PTPRN2: variants seen among roughly 807,000 people sequenced by gnomAD.
PTPRN2 encodes protein tyrosine phosphatase receptor type N2.
Under a neutral mutation model 118.8 loss-of-function variants are expected in PTPRN2, and 74 were observed. The observed-to-expected ratio is 0.62, with a 90% confidence interval of 0.52 to 0.76. The LOEUF is 0.76. Among genes scored for constraint, PTPRN2 ranks in the 30% least tolerant of loss-of-function variants. PTPRN2 has a pLI of 0.00. For missense variants in PTPRN2, 1,481 were observed against 1,394.4 expected, an observed-to-expected ratio of 1.06 and a Z score of -0.99; for synonymous variants, 641 against 608.0, an observed-to-expected ratio of 1.05 and a Z score of -0.80.
At chr7:158,395,480 C>G (rs60450085) in intron 2 of PTPRN2, among the ~76,000 whole-genome samples, 4 of 262 alleles carry the variant, frequency 0.015, no homozygotes, top group Admixed American at 0.056. Flanking sequence ...GGCGAGGGGC[C>G]AGGGGCGAGG....
chr7:158,301,813 G>C (rs1800911742), intron 3 of PTPRN2, among the ~76,000 whole-genome samples: 1 of 152,186 alleles, frequency 6.6e-6, no homozygotes, highest in Non-Finnish European at 1.5e-5. Flanking sequence ...AGCTGGGCAT[G>C]GTGGTTTGCA....
chr7:158,545,380 A>C (rs1471871864), intron 1 of PTPRN2, among the ~76,000 whole-genome samples: 1 of 152,220 alleles, frequency 6.6e-6, no homozygotes, highest in Non-Finnish European at 1.5e-5. Flanking sequence ...GTTCCTCAGC[A>C]GCTGCAAATA....
intron 11 of PTPRN2, among the ~76,000 whole-genome samples, chr7:157,994,561 G>GCCGCA (rs1563309737): frequency 9.4e-6 from 1 of 106,302 alleles, no homozygotes; most frequent in African/African-American, 4.9e-5. Flanking sequence ...TCAGCACCGC[G>GCCGCA]TCCCCAGCTT....
intron 11 of PTPRN2, among the ~76,000 whole-genome samples, chr7:158,037,841 C>A (rs1808192589): frequency 6.6e-6 from 1 of 152,218 alleles, no homozygotes; most frequent in Admixed American, 6.5e-5. Context: ...TTGCAATTCA[C>A]CTTGTCAGAA....
At chr7:158,259,707 G>T (rs4909158) in intron 3 of PTPRN2, among the ~76,000 whole-genome samples, 3,147 of 147,710 alleles carry the variant, frequency 0.021, 10 homozygotes, top group East Asian at 0.061. Flanking sequence ...CTTGTGTCCC[G>T]GGTGTACAGG....
chr7:158,145,016 A>G (rs1176812198), intron 6 of PTPRN2, among the ~76,000 whole-genome samples: 2 of 149,226 alleles, frequency 1.3e-5, no homozygotes, highest in African/African-American at 5.0e-5. Context: ...CCCTCACATC[A>G]TCGCGAGAAG....
At chr7:158,472,869 C>T (rs536132397) in intron 2 of PTPRN2, among the ~76,000 whole-genome samples, 167 of 152,242 alleles carry the variant, frequency 1.1e-3, no homozygotes, top group African/African-American at 3.9e-3. Context: ...GCAGCAGTGG[C>T]GGCGGGGCGG....
At chr7:158,081,572 G>A (rs767209916) in intron 10 of PTPRN2, among the ~76,000 whole-genome samples, 195 bp from the exon 11 acceptor site, 8 of 152,072 alleles carry the variant, frequency 5.3e-5, no homozygotes, top group Non-Finnish European at 1.2e-4. Context: ...CAGGAATTCC[G>A]TTTTTGGGCT....
intron 11 of PTPRN2, among the ~76,000 whole-genome samples, chr7:158,079,980 A>G (rs182041577): frequency 7.7e-4 from 117 of 152,322 alleles, no homozygotes; most frequent in African/African-American, 2.7e-3. Context: ...AGACTGCAGA[A>G]GTTTAGTACA....
chr7:158,091,212 C>T (rs1026958058), intron 10 of PTPRN2, among the ~76,000 whole-genome samples: 1 of 152,218 alleles, frequency 6.6e-6, no homozygotes, highest in African/African-American at 2.4e-5. Flanking sequence ...TGAATAGACA[C>T]TGCCTAAGCA....
intron 12 of PTPRN2, among the ~76,000 whole-genome samples, chr7:157,894,121 C>T (rs189767539): frequency 1.5e-4 from 23 of 152,306 alleles, no homozygotes; most frequent in Admixed American, 1.4e-3. Flanking sequence ...ACGAACAGCT[C>T]ACTAAACTGA....
At chr7:157,580,079 C>T (rs1252482766) in intron 17 of PTPRN2, among the ~76,000 whole-genome samples, 3 of 152,172 alleles carry the variant, frequency 2.0e-5, no homozygotes, top group African/African-American at 4.8e-5. Context: ...AATTTCTAAT[C>T]GGGGAGAAGT....
At chr7:157,875,446 C>T (rs866257334) in intron 12 of PTPRN2, among the ~76,000 whole-genome samples, 10 of 152,314 alleles carry the variant, frequency 6.6e-5, no homozygotes, top group Admixed American at 2.0e-4. Flanking sequence ...GAAGTGGCAG[C>T]CACGGAAGCT....
chr7:158,583,641 A>G (rs1377266469), intron 1 of PTPRN2, among the ~76,000 whole-genome samples: 1 of 152,182 alleles, frequency 6.6e-6, no homozygotes, highest in Non-Finnish European at 1.5e-5. Flanking sequence ...CTGACACCCT[A>G]CATCCTGCTT....
At chr7:158,314,853 C>T (rs1368536649) in intron 3 of PTPRN2, among the ~76,000 whole-genome samples, 5 of 148,522 alleles carry the variant, frequency 3.4e-5, no homozygotes, top group East Asian at 3.9e-4. Flanking sequence ...GAGGTGAACC[C>T]GGAACCCCTG....
intron 12 of PTPRN2, among the ~76,000 whole-genome samples, chr7:157,693,138 A>G (rs1797597303): frequency 6.6e-6 from 1 of 151,406 alleles, no homozygotes; most frequent in South Asian, 2.1e-4. Context: ...AGAGGGGAAG[A>G]CAGCGGAGAG....
intron 12 of PTPRN2, among the ~76,000 whole-genome samples, chr7:157,767,206 G>A (rs1198828375): frequency 1.3e-5 from 2 of 152,136 alleles, no homozygotes; most frequent in Non-Finnish European, 2.9e-5. Flanking sequence ...AGGCTGTGCT[G>A]GGCACACAGC....
intron 2 of PTPRN2, among the ~76,000 whole-genome samples, chr7:158,479,837 G>A (rs559698826): frequency 6.8e-4 from 104 of 152,362 alleles, no homozygotes; most frequent in Admixed American, 4.1e-3. Flanking sequence ...ACGGGGTGGC[G>A]GGCGCAAGCC....
chr7:158,373,281 A>G (rs73512184), intron 2 of PTPRN2, among the ~76,000 whole-genome samples: 9,578 of 152,292 alleles, frequency 0.063, 1,020 homozygotes, highest in African/African-American at 0.22. Context: ...TATTCTGCAC[A>G]AAGATGACTT....
Sources: allele counts gnomAD v4.1 joint callset (sites outside exome capture counted in the v4.1 genomes callset), GRCh38; gene constraint gnomAD v4.1.1; transcripts MANE v1.5; gene names NCBI Gene and HGNC (gene_info 2026-07-23, HGNC 2026-07-21).